APP: variants seen among roughly 807,000 people sequenced by gnomAD.
APP encodes the protein amyloid beta precursor protein, also known as amyloid-beta precursor protein.
APP carries 31 observed loss-of-function variants against 101.4 expected under a neutral mutation model. The ratio of observed to expected loss-of-function variants is 0.31; its 90% confidence interval spans 0.23 to 0.41. APP has a LOEUF of 0.41. APP is among the 10% of genes least tolerant of loss of function. The pLI, the probability that APP is intolerant of heterozygous loss-of-function variation, is 1.00. For missense variants in APP, 839 were observed against 1,003.7 expected (o/e 0.84, Z 2.22); for synonymous variants, 366 against 364.4 (o/e 1.00, Z -0.05).
intron 11 of APP, among the ~76,000 whole-genome samples, chr21:25,962,852 G>A (rs922910501): frequency 2.0e-5 from 3 of 152,216 alleles, no homozygotes; most frequent in South Asian, 4.1e-4. Context: ...CTGTCGCCCA[G>A]GCTGGAGTGC....
At chr21:26,166,503 T>C (rs1416735359) in intron 1 of APP, among the ~76,000 whole-genome samples, 1 of 152,148 alleles carries the variant, frequency 6.6e-6, no homozygotes, top group Non-Finnish European at 1.5e-5. Context: ...ACAAAGCCAA[T>C]CTCCTCTGTT....
chr21:25,896,953 C>T (rs537035640), intron 16 of APP, among the ~76,000 whole-genome samples: 13 of 152,240 alleles, frequency 8.5e-5, no homozygotes, highest in African/African-American at 3.1e-4. Context: ...TAAAACCAAG[C>T]AGTGTATGCA....
chr21:26,002,703 A>G (rs1420420620), intron 6 of APP, among the ~76,000 whole-genome samples: 1 of 152,162 alleles, frequency 6.6e-6, no homozygotes, highest in Non-Finnish European at 1.5e-5. Context: ...TTCACCCCAT[A>G]GTCACGGGAG....
chr21:25,965,660 C>T (rs2041768221), intron 11 of APP, among the ~76,000 whole-genome samples: 1 of 152,110 alleles, frequency 6.6e-6, no homozygotes, highest in African/African-American at 2.4e-5. Flanking sequence ...GAATGAACCC[C>T]TTAAAGCTTA....
intron 11 of APP, among the ~76,000 whole-genome samples, chr21:25,964,606 C>CTTTTTTT (rs150904952): frequency 1.6e-5 from 2 of 122,556 alleles, no homozygotes; most frequent in Admixed American, 8.4e-5. Context: ...TTTTTCTTTT[C>CTTTTTTT]TTTTTTTTTT....
At chr21:26,167,292 C>T (rs1262557657) in intron 1 of APP, among the ~76,000 whole-genome samples, 1 of 152,112 alleles carries the variant, frequency 6.6e-6, no homozygotes. Flanking sequence ...ATGAGGTATG[C>T]AGTCGAACTA....
chr21:26,028,574 T>C (rs140293479), intron 5 of APP, among the ~76,000 whole-genome samples: 2 of 152,284 alleles, frequency 1.3e-5, no homozygotes, highest in East Asian at 3.9e-4. Flanking sequence ...TTCAGGTATT[T>C]TTTTTCTTTA....
intron 5 of APP, among the ~76,000 whole-genome samples, chr21:26,024,844 A>C (rs1276128859): frequency 6.6e-6 from 1 of 152,254 alleles, no homozygotes; most frequent in Non-Finnish European, 1.5e-5. Context: ...ATATGATGTA[A>C]GGATATTAAG....
chr21:26,121,637 T>G (rs770097896), intron 1 of APP, among the ~76,000 whole-genome samples: 1 of 152,128 alleles, frequency 6.6e-6, no homozygotes, highest in Non-Finnish European at 1.5e-5. Context: ...CCACCGCGCC[T>G]GGCCTTACAG....
intron 2 of APP, among the ~76,000 whole-genome samples, chr21:26,098,184 T>C (rs2061988420): frequency 6.7e-6 from 1 of 148,312 alleles, no homozygotes; most frequent in African/African-American, 2.4e-5. Context: ...TATATTAATA[T>C]TTTTATATAT....
At chr21:26,102,729 A>G (rs1316579995) in intron 2 of APP, among the ~76,000 whole-genome samples, 1 of 151,722 alleles carries the variant, frequency 6.6e-6, no homozygotes, top group Non-Finnish European at 1.5e-5. Context: ...CATCTCTAGT[A>G]AAAATACAAA....
intron 1 of APP, chr21:26,158,118 A>T (rs1470776597): frequency 6.6e-6 from 1 of 152,246 alleles, no homozygotes; most frequent in Non-Finnish European, 1.5e-5. Context: ...CCAGGAATGC[A>T]AGTCTGAACC....
intron 3 of APP, among the ~76,000 whole-genome samples, chr21:26,080,367 G>T (rs149025265): frequency 6.6e-6 from 1 of 152,082 alleles, no homozygotes; most frequent in Non-Finnish European, 1.5e-5. Flanking sequence ...AACCAAAGTC[G>T]CAGGTGATTC....
chr21:25,939,257 G>T (rs1424627521), intron 13 of APP, among the ~76,000 whole-genome samples: 2 of 152,206 alleles, frequency 1.3e-5, no homozygotes, highest in African/African-American at 4.8e-5. Flanking sequence ...AAGCCAGGAA[G>T]CCAGCTTTTC....
intron 11 of APP, among the ~76,000 whole-genome samples, chr21:25,973,855 G>A (rs1413081499): frequency 6.8e-6 from 1 of 148,088 alleles, no homozygotes; most frequent in African/African-American, 2.5e-5. Flanking sequence ...CATGAGAATT[G>A]CTTAAACCCA....
Position 26,143,696 on chromosome 21 carries a change from C to T in APP, c.57+26868G>A, listed in dbSNP as rs190425225. 5.3e-5 allele frequency among the ~76,000 whole-genome samples: 8 copies of T among 152,292 alleles called. No homozygotes were observed. In the East Asian group the frequency reaches 1.2e-3, roughly 22 times the overall value. Reference sequence around the variant, plus strand: ...CAAGTTTGCACCCTTTGACCAACATCGCCTCACTTCCCCCACATCCAAACC... The same window carrying T: ...CAAGTTTGCACCCTTTGACCAACATTGCCTCACTTCCCCCACATCCAAACC... On this transcript the variant is annotated intron_variant, in intron 1 of 17. Transcript: ENST00000346798.
At chr21:26,022,787 T>C (rs889447274) in intron 5 of APP, among the ~76,000 whole-genome samples, 1 of 152,212 alleles carries the variant, frequency 6.6e-6, no homozygotes, top group Non-Finnish European at 1.5e-5. Context: ...CAGTATATGC[T>C]GGTGGAAATT....
At chr21:26,138,729 CAAAAT>C in intron 1 of APP, among the ~76,000 whole-genome samples, 1 of 148,578 alleles carries the variant, frequency 6.7e-6, no homozygotes, top group Non-Finnish European at 1.5e-5. Context: ...CAAAACAAAA[CAAAAT>C]CCTCCTGCAA....
chr21:26,068,282 CTCT>C (rs1228169138), intron 3 of APP: 2 of 152,276 alleles, frequency 1.3e-5, no homozygotes, highest in Non-Finnish European at 1.5e-5. Context: ...CAATCTGCAA[CTCT>C]TCTTTCAAGG....
Sources: allele counts gnomAD v4.1 joint callset (sites outside exome capture counted in the v4.1 genomes callset), GRCh38; gene constraint gnomAD v4.1.1; transcripts MANE v1.5; gene names NCBI Gene and HGNC (gene_info 2026-07-23, HGNC 2026-07-21).